Variants in OPCML observed in about 807,000 individuals in gnomAD.
OPCML encodes the protein opioid-binding protein/cell adhesion molecule.
In OPCML, 13 loss-of-function variants were observed where a neutral mutation model predicts 37.8. That is an observed-to-expected ratio of 0.34 (90% CI 0.22 to 0.55). OPCML has a LOEUF of 0.55. OPCML is among the 20% of genes least tolerant of loss of function. The pLI is 0.91. For synonymous variants in OPCML, 176 were observed against 168.8 expected (o/e 1.04, Z -0.33); for missense variants, 341 against 435.6 (o/e 0.78, Z 1.93).
intron 1 of OPCML, among the ~76,000 whole-genome samples, chr11:133,244,549 C>T (rs1010787864): frequency 9.2e-5 from 14 of 152,238 alleles, no homozygotes; most frequent in Admixed American, 5.9e-4. Flanking sequence ...AATCTCATGT[C>T]GAATTATAAT....
In OPCML at chr11:132,437,406, C is replaced by T. The variant is rs1029286651; in HGVS notation, c.506-47G>A. Reference sequence around the variant, plus strand: ...GGAAACAATCAGGAAACTGTGTAACCAGGGACAGAACCATATTCACATCTA... The same window carrying T: ...GGAAACAATCAGGAAACTGTGTAACTAGGGACAGAACCATATTCACATCTA... On this transcript the variant is annotated intron_variant, in intron 4 of 7. Coordinates refer to ENST00000524381, the MANE Select transcript of OPCML (RefSeq NM_001012393.5). 1.9e-6 allele frequency: 3 copies of T among 1,603,002 alleles called. No homozygotes were observed. In the East Asian group the frequency reaches 6.7e-5, roughly 36 times the overall value.
chr11:133,254,423 CAA>C (rs1450949141), intron 1 of OPCML, among the ~76,000 whole-genome samples: 1 of 152,136 alleles, frequency 6.6e-6, no homozygotes, highest in East Asian at 1.9e-4. Flanking sequence ...GATCAGAAAA[CAA>C]AGGCATTTGG....
At chr11:133,230,616 T>C (rs112718367) in intron 1 of OPCML, among the ~76,000 whole-genome samples, 14 of 152,186 alleles carry the variant, frequency 9.2e-5, no homozygotes, top group Non-Finnish European at 1.3e-4. Context: ...TCCTAGAATG[T>C]TTGGTGGCCA....
intron 1 of OPCML, among the ~76,000 whole-genome samples, chr11:133,199,706 A>T (rs1938687875): frequency 1.3e-5 from 2 of 152,286 alleles, no homozygotes; most frequent in South Asian, 2.1e-4. Context: ...CAACAACTTG[A>T]TTTCCCCTAA....
chr11:132,868,249 C>A (rs1228004452), intron 2 of OPCML, among the ~76,000 whole-genome samples: 1 of 149,970 alleles, frequency 6.7e-6, no homozygotes, highest in Non-Finnish European at 1.5e-5. Context: ...GAATTTTTAG[C>A]CCATAAAATC....
chr11:132,620,983 C>G (rs1188042907), intron 3 of OPCML, among the ~76,000 whole-genome samples: 1 of 152,208 alleles, frequency 6.6e-6, no homozygotes, highest in Non-Finnish European at 1.5e-5. Context: ...GCAGAGGTAT[C>G]TGAGCAAGCA....
chr11:132,563,350 T>A (rs1480360937), intron 3 of OPCML, among the ~76,000 whole-genome samples: 1 of 152,026 alleles, frequency 6.6e-6, no homozygotes, highest in Non-Finnish European at 1.5e-5. Context: ...CATCTATAAG[T>A]GTGAGTGAGA....
At chr11:132,937,738 C>T (rs1170656940) in intron 2 of OPCML, among the ~76,000 whole-genome samples, 1 of 152,000 alleles carries the variant, frequency 6.6e-6, no homozygotes, top group African/African-American at 2.4e-5. Flanking sequence ...GCAGCCATGA[C>T]CCAACCCAGG....
intron 1 of OPCML, among the ~76,000 whole-genome samples, chr11:133,130,881 C>T (rs1949593001): frequency 6.6e-6 from 1 of 151,890 alleles, no homozygotes; most frequent in East Asian, 1.9e-4. Context: ...AATTCAATAT[C>T]CACATGCAAA....
chr11:133,234,274 C>T (rs1202308235), intron 1 of OPCML, among the ~76,000 whole-genome samples: 1 of 149,556 alleles, frequency 6.7e-6, no homozygotes, highest in African/African-American at 2.5e-5. Flanking sequence ...AAAAAAAAAA[C>T]ACAGTTTTTA....
rs555414244 is a variant in OPCML at position 133,259,919 on chromosome 11, C to T, written c.61+272345G>A. ...GGTAGTGAACATAACAGACAACGTC[C>T]CTGTCTTCATAGAGTTTCCATTTAA... On this transcript the variant is annotated intron_variant, in intron 1 of 7. Coordinates refer to ENST00000524381, the MANE Select transcript of OPCML (RefSeq NM_001012393.5). Among the ~76,000 whole-genome samples, 496 of 152,220 alleles carry T rather than the reference C, an allele frequency of 3.3e-3. 3 individuals are homozygous for T. The highest frequency in any genetic ancestry group is 0.011 in the African/African-American group (477 of 41,520).
In OPCML at chr11:133,460,321, A is replaced by G. The variant is rs200680439; in HGVS notation, c.61+71943T>C. The stretch of plus-strand genomic sequence containing the variant: ...TTTATATTTTTGGAAACTAAGGAAA[A>G]AAGAGTAAGTCCAAAACTAGCAGAA... On this transcript the variant is annotated intron_variant, in intron 1 of 7. Transcript: ENST00000524381. Among the ~76,000 whole-genome samples the G allele has an allele frequency of 2.4e-4, 37 of 152,050 alleles. 1 individual carries two copies. The East Asian group carries it at 7.1e-3, about 29-fold the overall frequency.
chr11:132,614,949 C>A (rs941694266), intron 3 of OPCML, among the ~76,000 whole-genome samples: 1 of 152,182 alleles, frequency 6.6e-6, no homozygotes, highest in Non-Finnish European at 1.5e-5. Flanking sequence ...GTTTTTATTG[C>A]CAGTCAGCTG....
chr11:133,418,057 T>C, intron 1 of OPCML: 2 of 985,278 alleles, frequency 2.0e-6, no homozygotes, highest in Non-Finnish European at 2.4e-6. Flanking sequence ...AGAGAACTGC[T>C]TGAACACAGT....
At chr11:132,855,018 G>A (rs567035595) in intron 2 of OPCML, among the ~76,000 whole-genome samples, 7 of 152,180 alleles carry the variant, frequency 4.6e-5, no homozygotes, top group East Asian at 3.9e-4. Context: ...GACCAAAGCC[G>A]CTTTTGTAAA....
intron 1 of OPCML, among the ~76,000 whole-genome samples, chr11:133,140,769 A>AGAAGAAGACGACGAT (rs1949774970): frequency 7.6e-6 from 1 of 131,734 alleles, no homozygotes; most frequent in African/African-American, 3.3e-5. Flanking sequence ...ACGACGAAGA[A>AGAAGAAGACGACGAT]GAAGAAGAAG....
intron 2 of OPCML, among the ~76,000 whole-genome samples, chr11:132,829,585 T>G (rs1022712550): frequency 2.0e-5 from 3 of 152,208 alleles, no homozygotes; most frequent in African/African-American, 7.2e-5. Flanking sequence ...GTCAGAGACC[T>G]AAGGGCAAAA....
At chr11:133,291,187 C>T (rs182691984) in intron 1 of OPCML, among the ~76,000 whole-genome samples, 2 of 152,338 alleles carry the variant, frequency 1.3e-5, no homozygotes, top group East Asian at 1.9e-4. Context: ...AGCTCAACCA[C>T]CAAAAGGCAA....
intron 2 of OPCML, among the ~76,000 whole-genome samples, chr11:132,936,214 A>G (rs1208843168): frequency 2.0e-5 from 3 of 152,206 alleles, no homozygotes; most frequent in African/African-American, 7.2e-5. Context: ...AGGAACAGAA[A>G]GGATGTGTTT....
Sources: gnomAD v4.1 joint callset for allele counts (sites outside exome capture counted in the v4.1 genomes callset) on GRCh38, gnomAD v4.1.1 for gene constraint, MANE v1.5 for transcripts, NCBI Gene and HGNC (gene_info 2026-07-23, HGNC 2026-07-21) for gene names.